Variants in LRMDA observed in about 807,000 individuals in gnomAD.
The protein encoded by LRMDA is leucine-rich melanocyte differentiation-associated protein.
A neutral mutation model predicts 29.8 loss-of-function variants in LRMDA; 18 were observed. The observed-to-expected ratio is 0.60, with a 90% CI of 0.42 to 0.90. The LOEUF (loss-of-function observed/expected upper bound fraction) is 0.90, where lower values mean the gene tolerates loss of function less well. Ranked by LOEUF, LRMDA falls within the 40% of genes least tolerant of loss-of-function variation. LRMDA has a pLI of 0.00. For missense variants in LRMDA, 273 were observed against 273.9 expected (o/e 1.00, Z 0.02); for synonymous variants, 125 against 109.4 (o/e 1.14, Z -0.89).
rs550562256 is a variant in LRMDA, at chr10:76,094,370, G to A, written c.516+35587G>A. On this transcript the variant is annotated intron_variant, in intron 5 of 6. Transcript: ENST00000611255. The stretch of plus-strand genomic sequence containing the variant: ...TATTAACTGTTAGAATTTTATTTCC[G>A]TATATGTGAAAGATATATATTTATG... Among the ~76,000 whole-genome samples, 87 of 152,084 alleles carry A rather than the reference G, an allele frequency of 5.7e-4. 1 individual carries two copies. The South Asian group carries it at 0.017, about 29-fold the overall frequency.
intron 2 of LRMDA, among the ~76,000 whole-genome samples, chr10:75,655,622 A>G (rs1413127430): frequency 4.6e-5 from 7 of 152,308 alleles, no homozygotes; most frequent in Admixed American, 2.0e-4. Flanking sequence ...GTCAGTCACA[A>G]TGAACCAGAA....
At chr10:75,703,771 T>C (rs953493731) in intron 2 of LRMDA, among the ~76,000 whole-genome samples, 6 of 152,260 alleles carry the variant, frequency 3.9e-5, no homozygotes, top group Non-Finnish European at 5.9e-5. Flanking sequence ...TGTAACACTT[T>C]AGTCATCTAC....
Position 75,775,824 on chromosome 10 carries a change from C to T in LRMDA, c.132-260184C>T, listed in dbSNP as rs80180486. Among the ~76,000 whole-genome samples the T allele has an allele frequency of 9.3e-4, 142 of 152,300 alleles. 1 individual carries two copies. Among genetic ancestry groups the T allele is most frequent in the African/African-American group, 3.2e-3 (135 of 41,558 alleles). On this transcript the variant is annotated intron_variant, in intron 2 of 6. Coordinates refer to ENST00000611255, the MANE Select transcript of LRMDA (RefSeq NM_001305581.2). ...TTACTTTCAAGGAGCTCCAAAACCT[C>T]TAGAGATCTCCAGCGTAGAGGTAGA...
chr10:75,838,902 A>G (rs570587662), intron 2 of LRMDA, among the ~76,000 whole-genome samples: 1 of 152,324 alleles, frequency 6.6e-6, no homozygotes, highest in Non-Finnish European at 1.5e-5. Context: ...GAGACAATCC[A>G]TGGATTCTAG....
At chr10:75,765,215 T>C (rs1843147792) in intron 2 of LRMDA, among the ~76,000 whole-genome samples, 1 of 122,162 alleles carries the variant, frequency 8.2e-6, no homozygotes, top group South Asian at 2.3e-4. Flanking sequence ...GTTAGGTGTC[T>C]TTTTTTTTTT....
At chr10:75,778,760 A>C (rs1344034751) in intron 2 of LRMDA, among the ~76,000 whole-genome samples, 1 of 152,252 alleles carries the variant, frequency 6.6e-6, no homozygotes, top group Non-Finnish European at 1.5e-5. Context: ...ATTTCCAAGG[A>C]ATAGACTAGC....
chr10:75,999,060 A>G (rs538822604), intron 2 of LRMDA, among the ~76,000 whole-genome samples: 2 of 152,318 alleles, frequency 1.3e-5, no homozygotes, highest in South Asian at 4.1e-4. Flanking sequence ...GGAGACTAAA[A>G]ACAGGTATGA....
intron 6 of LRMDA, among the ~76,000 whole-genome samples, chr10:76,517,986 A>G (rs1843079027): frequency 6.7e-6 from 1 of 149,346 alleles, no homozygotes; most frequent in Non-Finnish European, 1.5e-5. Flanking sequence ...AAAGAAGCTT[A>G]GAAGTGGAAC....
At chr10:75,759,382 C>G (rs542999099) in intron 2 of LRMDA, among the ~76,000 whole-genome samples, 2 of 152,326 alleles carry the variant, frequency 1.3e-5, no homozygotes, top group South Asian at 4.1e-4. Flanking sequence ...TTAACTTATA[C>G]TCTATAGACC....
chr10:76,047,106 C>T, intron 3 of LRMDA, 58 bp from the exon 4 acceptor site: 3 of 1,597,088 alleles, frequency 1.9e-6, no homozygotes, highest in Non-Finnish European at 2.6e-6. Context: ...TCAGTCATGG[C>T]CTATGCTCAT....
intron 2 of LRMDA, among the ~76,000 whole-genome samples, chr10:75,881,698 C>A (rs188761544): frequency 9.6e-4 from 146 of 152,322 alleles, no homozygotes; most frequent in African/African-American, 3.5e-3. Flanking sequence ...CAATGAGAAA[C>A]CTCTAGGAGG....
chr10:75,716,583 A>G (rs1310762646), intron 2 of LRMDA, among the ~76,000 whole-genome samples: 1 of 152,200 alleles, frequency 6.6e-6, no homozygotes, highest in Middle Eastern at 3.2e-3. Flanking sequence ...TCTGACATTG[A>G]TTAAAAGTGT....
chr10:75,795,001 G>A (rs901597098), intron 2 of LRMDA, among the ~76,000 whole-genome samples: 2 of 151,510 alleles, frequency 1.3e-5, no homozygotes, highest in South Asian at 2.1e-4. Context: ...CTTCCTTGGG[G>A]TTGTGAGATA....
intron 2 of LRMDA, among the ~76,000 whole-genome samples, chr10:75,903,008 A>T (rs1386198410): frequency 6.6e-6 from 1 of 152,214 alleles, no homozygotes; most frequent in Non-Finnish European, 1.5e-5. Context: ...TTCTACAGCT[A>T]TAGTGAAAAC....
At chr10:76,158,577 A>G (rs1168915089) in intron 5 of LRMDA, among the ~76,000 whole-genome samples, 1 of 152,192 alleles carries the variant, frequency 6.6e-6, no homozygotes, top group African/African-American at 2.4e-5. Context: ...ATTAATAAAA[A>G]TGTTAAAATC....
chr10:75,755,012 T>G (rs535810835), intron 2 of LRMDA, among the ~76,000 whole-genome samples: 9 of 152,202 alleles, frequency 5.9e-5, no homozygotes, highest in Non-Finnish European at 1.3e-4. Flanking sequence ...TGGCAAGCTT[T>G]TGTTTTTGAC....
At chr10:76,392,530 A>G (rs968210105) in intron 6 of LRMDA, among the ~76,000 whole-genome samples, 1 of 152,108 alleles carries the variant, frequency 6.6e-6, no homozygotes, top group African/African-American at 2.4e-5. Context: ...CCCAGATCTG[A>G]AAATCAAAAA....
intron 2 of LRMDA, among the ~76,000 whole-genome samples, chr10:75,486,636 A>C (rs1173013671): frequency 6.6e-6 from 1 of 151,860 alleles, no homozygotes; most frequent in Non-Finnish European, 1.5e-5. Flanking sequence ...GTAAAGGGGC[A>C]TTCTGGTCTG....
rs1172213249 is a variant in LRMDA at position 76,410,298 on chromosome 10, C to CTTTTTTTTT, written c.601+85833_601+85841dup. Among the ~76,000 whole-genome samples, 119 of 66,566 alleles carry CTTTTTTTTT rather than the reference C, an allele frequency of 1.8e-3. 1 individual carries two copies. Among genetic ancestry groups the CTTTTTTTTT allele is most frequent in the Non-Finnish European group, 2.3e-3 (81 of 35,972 alleles). 43.7% of individuals were successfully genotyped at this position (66,566 alleles called of 152,430 possible). A position where few individuals can be genotyped will look rare whatever the true frequency, so the allele number is the denominator to read the frequency against. ...GAGGCTTGGAAAAATCACTTTCTTTCTTTTTTTTTTTTTTTTTTTTTTTTT... is the reference window on the plus strand; with the variant it reads ...GAGGCTTGGAAAAATCACTTTCTTTCTTTTTTTTTTTTTTTTTTTTTTTTTTTTTTTTTT... On this transcript the variant is annotated intron_variant, in intron 6 of 6. Transcript: ENST00000611255.
Sources: allele counts gnomAD v4.1 joint callset (sites outside exome capture counted in the v4.1 genomes callset), GRCh38; gene constraint gnomAD v4.1.1; transcripts MANE v1.5; gene names NCBI Gene and HGNC (gene_info 2026-07-23, HGNC 2026-07-21).